The following TMEM245 variants were observed in gnomAD, a reference collection of about 807,000 sequenced individuals.
TMEM245 encodes the protein transmembrane protein 245.
TMEM245 carries 69 observed loss-of-function variants against 101.2 expected under a neutral mutation model. The observed-to-expected ratio is 0.68, with a 90% confidence interval of 0.56 to 0.83. TMEM245 has a LOEUF of 0.83. Among genes scored for constraint, TMEM245 ranks in the 40% least tolerant of loss-of-function variants. TMEM245 has a pLI of 0.00. For synonymous variants in TMEM245, 537 were observed against 449.8 expected, an observed-to-expected ratio of 1.19 and a Z score of -2.45; for missense variants, 1,075 against 1,092.8, an observed-to-expected ratio of 0.98 and a Z score of 0.23.
At chr9:109,025,133 A>G (rs910667815) in intron 17 of TMEM245, among the ~76,000 whole-genome samples, 2 of 152,180 alleles carry the variant, frequency 1.3e-5, no homozygotes, top group African/African-American at 4.8e-5. Context: ...TCTTTTCTCA[A>G]TCTTCTAAAG....
chr9:109,032,210 G>C (rs1031670895), intron 17 of TMEM245, among the ~76,000 whole-genome samples: 11 of 151,844 alleles, frequency 7.2e-5, no homozygotes, highest in African/African-American at 2.2e-4. Flanking sequence ...AAGTATCATT[G>C]TTAAATTGGT....
chr9:109,094,567 C>T (rs531407752), intron 3 of TMEM245, among the ~76,000 whole-genome samples: 4 of 152,330 alleles, frequency 2.6e-5, no homozygotes, highest in East Asian at 1.9e-4. Flanking sequence ...CAGCAGCAGC[C>T]GTGGCCCTCT....
At chr9:109,022,089 A>G (rs1475978839) in intron 17 of TMEM245, among the ~76,000 whole-genome samples, 1 of 152,222 alleles carries the variant, frequency 6.6e-6, no homozygotes, top group Non-Finnish European at 1.5e-5. Flanking sequence ...GCAGAGATCA[A>G]TTAAAGACTA....
At chr9:109,062,766 T>A (rs892496169) in intron 10 of TMEM245, among the ~76,000 whole-genome samples, 1 of 151,986 alleles carries the variant, frequency 6.6e-6, no homozygotes, top group Admixed American at 6.5e-5. Flanking sequence ...AGCACAGGAG[T>A]TCGAGACCAG....
chr9:109,098,985 C>T (rs767005149), intron 3 of TMEM245, among the ~76,000 whole-genome samples: 2 of 152,202 alleles, frequency 1.3e-5, no homozygotes, highest in African/African-American at 2.4e-5. Flanking sequence ...GGTAAATATA[C>T]TTTAAATCCA....
At chr9:109,077,213 C>T (rs1227074025) in intron 8 of TMEM245, among the ~76,000 whole-genome samples, 6 of 152,018 alleles carry the variant, frequency 3.9e-5, no homozygotes, top group East Asian at 1.9e-4. Flanking sequence ...TGCAGTGGCA[C>T]GATCACAGCT....
intron 12 of TMEM245, 110 bp downstream of exon 12, chr9:109,057,081 C>A: frequency 8.4e-7 from 1 of 1,197,230 alleles, no homozygotes; most frequent in Non-Finnish European, 1.2e-6. Flanking sequence ...ATGTAAATGT[C>A]ATGATGTTAA....
At chr9:109,051,340 A>ACACACACACACAC (rs71372547) in intron 12 of TMEM245, among the ~76,000 whole-genome samples, 1 of 145,184 alleles carries the variant, frequency 6.9e-6, no homozygotes, top group African/African-American at 2.5e-5. Context: ...ACACACACAC[A>ACACACACACACAC]TCATTGTAGA....
intron 1 of TMEM245, 35 bp downstream of exon 1, chr9:109,119,300 G>A (rs1337638477): frequency 4.0e-6 from 6 of 1,510,964 alleles, no homozygotes; most frequent in Non-Finnish European, 5.3e-6. Context: ...CCGGGACCAC[G>A]GGCGGGGGAC....
rs1014772646 is a variant in TMEM245, at chr9:109,070,101, C to T, written c.1532+3255G>A. On this transcript the variant is annotated intron_variant, in intron 9 of 17. Transcript: ENST00000374586. ...CACCCTTAAAGGCTTAAGATATCCA[C>T]AGGGCGCACCTCCAGACATCCTCTC... 4.6e-5 allele frequency among the ~76,000 whole-genome samples: 7 copies of T among 152,300 alleles called. No individual in the cohort carries two copies. In the South Asian group the frequency reaches 6.2e-4, roughly 14 times the overall value.
At chr9:109,100,849 C>T (rs1830265673) in intron 3 of TMEM245, among the ~76,000 whole-genome samples, 1 of 152,218 alleles carries the variant, frequency 6.6e-6, no homozygotes, top group South Asian at 2.1e-4. Flanking sequence ...GTTCTTGGCT[C>T]ATGACAGGCA....
At chr9:109,051,295 AACAC>A (rs67093439) in intron 12 of TMEM245, among the ~76,000 whole-genome samples, 1,807 of 135,058 alleles carry the variant, frequency 0.013, 16 homozygotes, top group East Asian at 0.043. Flanking sequence ...TCTGTCTCAA[AACAC>A]ACACACACAC....
intron 12 of TMEM245, among the ~76,000 whole-genome samples, chr9:109,052,669 T>C (rs1828721466): frequency 6.6e-6 from 1 of 152,188 alleles, no homozygotes; most frequent in Non-Finnish European, 1.5e-5. Flanking sequence ...TACAAAAATG[T>C]GCAAGATTGA....
chr9:109,019,982 C>A lies in TMEM245; in HGVS notation c.*478G>T, dbSNP rs1307073237. The A allele has an allele frequency of 6.5e-6, 1 of 153,058 alleles. No individual in the cohort carries two copies. The highest frequency in any genetic ancestry group is 6.5e-5 in the Admixed American group (1 of 15,308). The allele number at this position is 153,058 out of a possible 1,614,324, so 9.5% of individuals were successfully genotyped here. On this transcript the variant is annotated 3_prime_UTR_variant, in exon 18 of 18. Transcript: ENST00000374586. ...GGGTAGAAGATTCATTTTTCCTGCT[C>A]ACTCAACTACACACTCAAAAGTGAA...
At chr9:109,062,317 C>T (rs1361968287) in intron 10 of TMEM245, among the ~76,000 whole-genome samples, 1 of 152,126 alleles carries the variant, frequency 6.6e-6, no homozygotes, top group African/African-American at 2.4e-5. Flanking sequence ...ATTTTAATGG[C>T]TCTTGCTATG....
intron 9 of TMEM245, among the ~76,000 whole-genome samples, 172 bp from the exon 10 acceptor site, chr9:109,064,739 C>CT (rs1410769952): frequency 6.6e-6 from 1 of 152,212 alleles, no homozygotes; most frequent in Non-Finnish European, 1.5e-5. Context: ...TCCTAAGTCT[C>CT]TAACATTCAG....
intron 3 of TMEM245, among the ~76,000 whole-genome samples, chr9:109,104,497 T>G (rs1380992690): frequency 6.6e-6 from 1 of 152,194 alleles, no homozygotes; most frequent in Non-Finnish European, 1.5e-5. Context: ...CTAGATTGAA[T>G]GCAATCCCTA....
rs1163807831 is a variant in TMEM245, at chr9:109,038,147, T to C, written c.2124-30A>G. On this transcript the variant is annotated intron_variant, in intron 14 of 17. Transcript: ENST00000374586. Reference sequence around the variant, plus strand: ...AATGCCCAAAGATAAAAAGAAAGAGTAAATAAACAGTGTCATATCGTGATT... The same window carrying C: ...AATGCCCAAAGATAAAAAGAAAGAGCAAATAAACAGTGTCATATCGTGATT... The C allele has an allele frequency of 1.9e-6, 3 of 1,555,942 alleles. No homozygotes were observed. The African/African-American group carries it at 4.1e-5, about 21-fold the overall frequency.
At chr9:109,072,686 A>C (rs990840394) in intron 9 of TMEM245, among the ~76,000 whole-genome samples, 10 of 152,186 alleles carry the variant, frequency 6.6e-5, no homozygotes, top group African/African-American at 2.4e-4. Context: ...ATCCTTCCTC[A>C]AAAATAATAC....
Sources: gnomAD v4.1 joint callset for allele counts (sites outside exome capture counted in the v4.1 genomes callset) on GRCh38, gnomAD v4.1.1 for gene constraint, MANE v1.5 for transcripts, NCBI Gene and HGNC (gene_info 2026-07-23, HGNC 2026-07-21) for gene names.